ZNF705A: variants seen among roughly 807,000 people sequenced by gnomAD.
ZNF705A encodes the protein zinc finger protein 705A.
Under a neutral mutation model 16.6 loss-of-function variants are expected in ZNF705A, and 8 were observed. That is an observed-to-expected ratio of 0.48 (90% CI 0.28 to 0.87). The LOEUF is 0.87. ZNF705A is among the 40% of genes least tolerant of loss of function. ZNF705A has a pLI of 0.10. For missense variants in ZNF705A, 233 were observed against 359.9 expected (o/e 0.65, Z 2.85); for synonymous variants, 73 against 117.3 (o/e 0.62, Z 2.44).
intron 1 of ZNF705A, among the ~76,000 whole-genome samples, chr12:8,158,005 T>C (rs1948323977): frequency 6.6e-6 from 1 of 152,212 alleles, no homozygotes; most frequent in East Asian, 1.9e-4. Flanking sequence ...ATAACACTGA[T>C]TAGTGATTGG....
chr12:8,157,156 T>C (rs1948316714), intron 1 of ZNF705A, 64 bp downstream of exon 1: 9 of 396,744 alleles, frequency 2.3e-5, no homozygotes, highest in Non-Finnish European at 4.0e-5. Flanking sequence ...TTCAGCTTGT[T>C]CTCTGTTATG....
At chr12:8,172,712 A>G in intron 1 of ZNF705A, 75 bp downstream of exon 2, 10 of 1,572,048 alleles carry the variant, frequency 6.4e-6, no homozygotes, top group South Asian at 4.5e-5. Flanking sequence ...TCCAATTTGC[A>G]TGGGTGTTTC....
Position 8,175,367 on chromosome 12 carries a change from T to C in ZNF705A, c.235+44T>C, listed in dbSNP as rs1288884155. The C allele has an allele frequency of 4.8e-6, 6 of 1,251,596 alleles. No individual in the cohort carries two copies. The East Asian group carries it at 1.4e-4, about 29-fold the overall frequency. 77.5% of individuals were successfully genotyped at this position (1,251,596 alleles called of 1,614,324 possible). A position where few individuals can be genotyped will look rare whatever the true frequency, so the allele number is the denominator to read the frequency against. The stretch of plus-strand genomic sequence containing the variant: ...TGCTCTAATAGGAGGAGGTGCTTTG[T>C]CAATGAATAATATCAGTTGAATATT... On this transcript the variant is annotated intron_variant, in intron 3 of 4. Transcript: ENST00000359286.
upstream of ZNF705A, among the ~76,000 whole-genome samples, chr12:8,170,645 A>G (rs139920627): frequency 0.011 from 1,659 of 152,314 alleles, 26 homozygotes; most frequent in African/African-American, 0.037. Flanking sequence ...AATAATATTA[A>G]GGGTTACAGC....
Sources: allele counts gnomAD v4.1 joint callset (sites outside exome capture counted in the v4.1 genomes callset), GRCh38; gene constraint gnomAD v4.1.1; transcripts MANE v1.5; gene names NCBI Gene and HGNC (gene_info 2026-07-23, HGNC 2026-07-21).